The following MACROH2A1 variants were observed in gnomAD, a reference collection of about 807,000 sequenced individuals.
The protein encoded by MACROH2A1 is macroH2A.1 histone.
In MACROH2A1, 2 loss-of-function variants were observed where a neutral mutation model predicts 31.6. That is an observed-to-expected ratio of 0.06 (90% CI 0.03 to 0.20). The LOEUF (loss-of-function observed/expected upper bound fraction) is 0.20, where lower values mean the gene tolerates loss of function less well. Among genes scored for constraint, MACROH2A1 ranks in the 10% least tolerant of loss-of-function variants. MACROH2A1 has a pLI of 1.00. For synonymous variants in MACROH2A1, 169 were observed against 189.6 expected, an observed-to-expected ratio of 0.89 and a Z score of 0.89; for missense variants, 230 against 474.0, an observed-to-expected ratio of 0.49 and a Z score of 4.78.
At chr5:135,377,642 G>C (rs1163924132) in intron 2 of MACROH2A1, among the ~76,000 whole-genome samples, 1 of 152,148 alleles carries the variant, frequency 6.6e-6, no homozygotes, top group Non-Finnish European at 1.5e-5. Context: ...TCAGGGACTT[G>C]GTCAGAGGGA....
At chr5:135,386,794 T>G (rs1377293541) in intron 2 of MACROH2A1, among the ~76,000 whole-genome samples, 1 of 152,216 alleles carries the variant, frequency 6.6e-6, no homozygotes, top group Non-Finnish European at 1.5e-5. Context: ...AAAGCAATGG[T>G]ATTCCCCATT....
At chr5:135,336,334 G>T (rs1105453) in intron 8 of MACROH2A1, among the ~76,000 whole-genome samples, 2,427 of 152,348 alleles carry the variant, frequency 0.016, 64 homozygotes, top group African/African-American at 0.056. Context: ...ACCCTCTTGT[G>T]ACTTGCTTTT....
At chr5:135,343,067 T>C in intron 8 of MACROH2A1, 193 bp downstream of exon 8, 1 of 1,359,102 alleles carries the variant, frequency 7.4e-7, no homozygotes, top group Non-Finnish European at 9.9e-7. Context: ...TATATCATCC[T>C]TGGGATTTGG....
At chr5:135,383,600 A>T (rs1357617819) in intron 2 of MACROH2A1, among the ~76,000 whole-genome samples, 3 of 152,132 alleles carry the variant, frequency 2.0e-5, no homozygotes, top group African/African-American at 7.2e-5. Flanking sequence ...TTAAGATAAA[A>T]TTCTTAATTT....
intron 6 of MACROH2A1, chr5:135,350,735 C>A (rs1761422060): frequency 1.3e-6 from 1 of 773,044 alleles, no homozygotes; most frequent in Admixed American, 1.8e-5. Flanking sequence ...ATGAATGCAG[C>A]CCTGCATAGC....
chr5:135,335,192 A>G (rs372384906), intron 8 of MACROH2A1, 51 bp from the exon 9 acceptor site: 213 of 1,441,910 alleles, frequency 1.5e-4, no homozygotes, highest in Non-Finnish European at 2.0e-4. Context: ...CGGGGGCTGC[A>G]GGACCTGCCC....
At chr5:135,386,140 A>G (rs1766371398) in intron 2 of MACROH2A1, among the ~76,000 whole-genome samples, 1 of 152,220 alleles carries the variant, frequency 6.6e-6, no homozygotes, top group South Asian at 2.1e-4. Context: ...TCCCTGCCCA[A>G]TCGGCTAAGG....
intron 4 of MACROH2A1, among the ~76,000 whole-genome samples, chr5:135,367,117 GT>G (rs1213700020): frequency 7.2e-5 from 11 of 152,216 alleles, no homozygotes; most frequent in Admixed American, 2.6e-4. Context: ...GCTTTAGCAT[GT>G]TACTAAGGCT....
chr5:135,355,731 A>C (rs1324047318), intron 5 of MACROH2A1: 1 of 179,966 alleles, frequency 5.6e-6, no homozygotes, highest in Non-Finnish European at 1.2e-5. Flanking sequence ...TCCACTATAC[A>C]GAAGAAAGCC....
chr5:135,354,285 C>T (rs1021209327), intron 5 of MACROH2A1: 6 of 152,236 alleles, frequency 3.9e-5, no homozygotes, highest in Non-Finnish European at 1.5e-5. Flanking sequence ...ACCAAACAAC[C>T]TGGCACTCCA....
chr5:135,337,208 G>T (rs142897398), intron 8 of MACROH2A1, among the ~76,000 whole-genome samples: 225 of 152,382 alleles, frequency 1.5e-3, no homozygotes, highest in African/African-American at 5.2e-3. Context: ...TTGTCAGGTG[G>T]CCCGATGTTC....
intron 5 of MACROH2A1, chr5:135,355,668 T>C (rs3733726): frequency 0.016 from 3,389 of 205,488 alleles, 86 homozygotes; most frequent in Admixed American, 0.072. Context: ...GCTTGGCAGG[T>C]GGGCCAGTGG....
intron 4 of MACROH2A1, among the ~76,000 whole-genome samples, chr5:135,364,660 A>C (rs965353424): frequency 2.0e-5 from 3 of 152,220 alleles, no homozygotes; most frequent in Non-Finnish European, 4.4e-5. Flanking sequence ...ACATTTAAGA[A>C]ACTGTAGAAC....
In MACROH2A1 at chr5:135,357,972, GGT is replaced by G. The variant is rs1414837099; in HGVS notation, c.588+2523_588+2524del. Reference sequence around the variant, plus strand: ...AGCTTGCTTGCAATCTTCAAGCACTGGTTTCAGTGTCACAGATAGAAAAATGA... The same window carrying G: ...AGCTTGCTTGCAATCTTCAAGCACTGTTCAGTGTCACAGATAGAAAAATGA... On this transcript the variant is annotated intron_variant, in intron 5 of 8. Coordinates refer to ENST00000511689, the MANE Select transcript of MACROH2A1 (RefSeq NM_138610.3). 4.1e-6 allele frequency: 4 copies of G among 985,134 alleles called. No individual in the cohort carries two copies. In the African/African-American group the frequency reaches 7.0e-5, roughly 17 times the overall value. The allele number at this position is 985,134 out of a possible 1,614,324, so 61.0% of individuals were successfully genotyped here.
chr5:135,371,525 C>T (rs1341271025), intron 2 of MACROH2A1, among the ~76,000 whole-genome samples: 1 of 152,234 alleles, frequency 6.6e-6, no homozygotes, highest in African/African-American at 2.4e-5. Flanking sequence ...GGCACAGTCT[C>T]ACAAGACAAG....
intron 2 of MACROH2A1, among the ~76,000 whole-genome samples, chr5:135,373,808 C>T (rs952189376): frequency 6.6e-6 from 1 of 152,214 alleles, no homozygotes; most frequent in Admixed American, 6.5e-5. Flanking sequence ...GGTGGGCCCT[C>T]AGCCCTGTGG....
At chr5:135,389,148 C>A in intron 1 of MACROH2A1, 22 bp from the exon 2 acceptor site, 1 of 1,557,210 alleles carries the variant, frequency 6.4e-7, no homozygotes, top group Non-Finnish European at 8.8e-7. Flanking sequence ...AGAGGCACAC[C>A]GGTCAGGGTG....
intron 5 of MACROH2A1, chr5:135,355,626 T>G (rs1278405885): frequency 4.8e-6 from 1 of 206,728 alleles, no homozygotes; most frequent in African/African-American, 2.3e-5. Flanking sequence ...ACAAATTAAT[T>G]CAAGTACTTT....
intron 2 of MACROH2A1, among the ~76,000 whole-genome samples, chr5:135,375,107 C>A (rs766474605): frequency 1.3e-5 from 2 of 152,232 alleles, no homozygotes; most frequent in Non-Finnish European, 2.9e-5. Flanking sequence ...AACTGGCCAG[C>A]TCATTAACTC....
Sources: allele counts gnomAD v4.1 joint callset (sites outside exome capture counted in the v4.1 genomes callset), GRCh38; gene constraint gnomAD v4.1.1; transcripts MANE v1.5; gene names NCBI Gene and HGNC (gene_info 2026-07-23, HGNC 2026-07-21).